Variants in SPPL2B observed in about 807,000 individuals in gnomAD.
SPPL2B encodes the protein signal peptide peptidase-like 2B.
Under a neutral mutation model 59.7 loss-of-function variants are expected in SPPL2B, and 39 were observed. That is an observed-to-expected ratio of 0.65 (90% CI 0.51 to 0.85). The LOEUF (loss-of-function observed/expected upper bound fraction) is 0.85, where lower values mean the gene tolerates loss of function less well. Among genes scored for constraint, SPPL2B ranks in the 40% least tolerant of loss-of-function variants. The pLI is 0.00. For synonymous variants in SPPL2B, 419 were observed against 370.8 expected (o/e 1.13, Z -1.49); for missense variants, 865 against 849.0 (o/e 1.02, Z -0.23).
intron 1 of SPPL2B, among the ~76,000 whole-genome samples, chr19:2,329,352 A>G (rs1968161270): frequency 1.3e-5 from 2 of 152,180 alleles, no homozygotes; most frequent in South Asian, 2.1e-4. Context: ...TCGTGTGCAG[A>G]AGGAGGACCG....
chr19:2,340,463 G>T, intron 7 of SPPL2B: 1 of 622,202 alleles, frequency 1.6e-6, no homozygotes, highest in Non-Finnish European at 2.9e-6. Context: ...GGTTCTCCGG[G>T]GAACCCAGAA....
Position 2,343,275 on chromosome 19 carries a change from C to A in SPPL2B, c.1021C>A (p.Arg341Ser), listed in dbSNP as rs750570624. The stretch of plus-strand genomic sequence containing the variant: ...CTGCCTCTACATGCTGAAGACCATC[C>A]GTCTGCCCACCTTCAAGGTGAGTGC... ...AFCLYMLKTIRLPTFKACTLL... is the reference protein window; with the variant it reads ...AFCLYMLKTISLPTFKACTLL... Residue 341 changes from arginine (R) to serine (S), a missense_variant, in exon 9 of 15, where the codon CGT becomes AGT. Coordinates refer to ENST00000613503, the MANE Select transcript of SPPL2B (RefSeq NM_152988.3). 6.4e-7 allele frequency: 1 copy of A among 1,553,764 alleles called. No individual in the cohort carries two copies. The highest frequency in any genetic ancestry group is 2.4e-5 in the East Asian group (1 of 41,196).
Position 2,353,197 on chromosome 19 carries a change from C to A in SPPL2B, c.1767C>A (p.Gly589=). The change falls in exon 15 of 15, where the codon GGC becomes GGA. Residue 589 remains glycine (G), a synonymous_variant. Transcript: ENST00000613503. ...QAQPSPVTQP[G]ASA ...AGCCGTCCCCGGTAACCCAGCCTGG[C>A]GCCTCGGCCTAGGGGAGGGGTGAGA... 1.9e-6 allele frequency: 3 copies of A among 1,601,262 alleles called. No individual in the cohort carries two copies. The highest frequency in any genetic ancestry group is 2.5e-6 in the Non-Finnish European group (3 of 1,178,186).
At chr19:2,328,853 C>A in intron 1 of SPPL2B, 78 bp downstream of exon 1, 1 of 1,223,484 alleles carries the variant, frequency 8.2e-7, no homozygotes, top group Non-Finnish European at 1.0e-6. Flanking sequence ...CGCGCAGGAA[C>A]GACCCCGCTC....
chr19:2,345,432 A>G (rs1969310355), intron 13 of SPPL2B, 102 bp downstream of exon 13: 1 of 948,546 alleles, frequency 1.1e-6, no homozygotes, highest in East Asian at 2.5e-5. Flanking sequence ...CCCAACCCTA[A>G]CCCTAATTCC....
rs916800237 is a variant in SPPL2B at position 2,354,607 on chromosome 19, C to G, written c.*1398C>G. ...GAGCCCTGATCCCTTACAAAAAATA[C>G]CAGCTTCCCAGGGAGTAATGGCGCC... On this transcript the variant is annotated 3_prime_UTR_variant, in exon 15 of 15. Coordinates refer to ENST00000613503, the MANE Select transcript of SPPL2B (RefSeq NM_152988.3). 6.6e-6 allele frequency: 1 copy of G among 152,250 alleles called. No individual in the cohort carries two copies. The highest frequency in any genetic ancestry group is 6.5e-5 in the Admixed American group (1 of 15,276). The allele number at this position is 152,250 out of a possible 1,614,324, so 9.4% of individuals were successfully genotyped here.
chr19:2,337,239 G>T, intron 2 of SPPL2B: 1 of 500,316 alleles, frequency 2.0e-6, no homozygotes, highest in Non-Finnish European at 3.5e-6. Context: ...GCCCCGCTCA[G>T]ATGAGGCAGC....
At chr19:2,341,522 G>A (rs935394704) in intron 8 of SPPL2B, 10 of 446,866 alleles carry the variant, frequency 2.2e-5, no homozygotes, top group Non-Finnish European at 3.6e-5. Context: ...CCCGCTGGCC[G>A]GGCCTCCCCC....
chr19:2,348,141 A>C (rs1178739277), intron 13 of SPPL2B, among the ~76,000 whole-genome samples: 1 of 71,368 alleles, frequency 1.4e-5, no homozygotes, highest in Non-Finnish European at 2.5e-5. Context: ...TCACGCTCTC[A>C]TTCGCTTGAT....
chr19:2,353,380 C>T lies in SPPL2B; in HGVS notation c.*171C>T, dbSNP rs973104297. ...TGCCGAGACCCCTGCGGTCTGTGCC[C>T]GCGCCCAGCCCAGCTGCCCCGGCTG... On this transcript the variant is annotated 3_prime_UTR_variant, in exon 15 of 15. Transcript: ENST00000613503. 62 of 795,624 alleles carry T rather than the reference C, an allele frequency of 7.8e-5. No individual in the cohort carries two copies. The highest frequency in any genetic ancestry group is 1.0e-4 in the Non-Finnish European group (54 of 524,592). 49.3% of individuals were successfully genotyped at this position (795,624 alleles called of 1,614,324 possible). A position where few individuals can be genotyped will look rare whatever the true frequency, so the allele number is the denominator to read the frequency against.
intron 11 of SPPL2B, 50 bp from the exon 12 acceptor site, chr19:2,344,503 G>A (rs368974821): frequency 2.5e-6 from 4 of 1,577,240 alleles, no homozygotes; most frequent in African/African-American, 1.3e-5. Context: ...GAGGCATCCC[G>A]CGGCCGGGTG....
intron 13 of SPPL2B, among the ~76,000 whole-genome samples, chr19:2,350,746 T>G (rs996354374): frequency 8.5e-5 from 13 of 152,246 alleles, no homozygotes; most frequent in African/African-American, 2.9e-4. Context: ...TATGGTGATT[T>G]ATGGTTTGGC....
At chr19:2,348,171 C>T in intron 13 of SPPL2B, among the ~76,000 whole-genome samples, 1 of 9,114 alleles carries the variant, frequency 1.1e-4, no homozygotes, top group South Asian at 4.1e-3. Flanking sequence ...TCTCCACACA[C>T]ACTCGCGCTC....
At chr19:2,335,625 C>T (rs145026607) in intron 2 of SPPL2B, among the ~76,000 whole-genome samples, 12,483 of 146,366 alleles carry the variant, frequency 0.085, 573 homozygotes, top group Middle Eastern at 0.13. Flanking sequence ...TTTCCCACTG[C>T]ATCCTTCAGG....
At chr19:2,342,639 T>G in intron 8 of SPPL2B, 1 of 153,204 alleles carries the variant, frequency 6.5e-6, no homozygotes, top group Admixed American at 6.4e-5. Flanking sequence ...GGTGACAGAG[T>G]GAGACTCCAT....
intron 13 of SPPL2B, 51 bp from the exon 14 acceptor site, chr19:2,351,383 G>T: frequency 2.1e-6 from 3 of 1,447,768 alleles, no homozygotes; most frequent in South Asian, 2.5e-5. Context: ...AGGGAAATGG[G>T]TGGTGGCCCT....
intron 6 of SPPL2B, 41 bp from the exon 7 acceptor site, chr19:2,340,035 G>A (rs748664179): frequency 6.4e-6 from 10 of 1,565,210 alleles, no homozygotes; most frequent in South Asian, 1.2e-5. Flanking sequence ...GGAGGGTGGC[G>A]TGCGGGCCTG....
At chr19:2,343,175 C>T (rs752834345) in intron 8 of SPPL2B, 36 bp from the exon 9 acceptor site, 94 of 1,536,326 alleles carry the variant, frequency 6.1e-5, no homozygotes, top group Non-Finnish European at 8.3e-5. Flanking sequence ...GGTCAGCCAG[C>T]CTCTGCCCCG....
chr19:2,328,717 C>T lies in SPPL2B; in HGVS notation c.8C>T (p.Ala3Val). 18 of 1,447,452 alleles carry T rather than the reference C, an allele frequency of 1.2e-5. No homozygotes were observed. Among genetic ancestry groups the T allele is most frequent in the Non-Finnish European group, 1.6e-5 (18 of 1,109,740 alleles). The allele number at this position is 1,447,452 out of a possible 1,614,324, so 89.7% of individuals were successfully genotyped here. A position where few individuals can be genotyped will look rare whatever the true frequency, so the allele number is the denominator to read the frequency against. The change falls in exon 1 of 15, where the codon GCA becomes GTA. Residue 3 changes from alanine (A) to valine (V), a missense_variant. Ala to Val is a moderately conservative substitution (Grantham distance 64). Coordinates refer to ENST00000613503, the MANE Select transcript of SPPL2B (RefSeq NM_152988.3). MA[A>V]AVAAALARLL... Reference sequence around the variant, plus strand: ...CGGCGGGCACCGGCCGACATGGCGGCAGCGGTGGCGGCTGCGCTGGCGCGG... The same window carrying T: ...CGGCGGGCACCGGCCGACATGGCGGTAGCGGTGGCGGCTGCGCTGGCGCGG...
Sources: allele counts gnomAD v4.1 joint callset (sites outside exome capture counted in the v4.1 genomes callset), GRCh38; gene constraint gnomAD v4.1.1; transcripts MANE v1.5; gene names NCBI Gene and HGNC (gene_info 2026-07-23, HGNC 2026-07-21).